Variants in EIF4G3 observed in about 807,000 individuals in gnomAD.
EIF4G3 encodes eukaryotic translation initiation factor 4 gamma 3, also known as eIF-4-gamma 3.
EIF4G3 carries 34 observed loss-of-function variants against 186.4 expected under a neutral mutation model. The ratio of observed to expected loss-of-function variants is 0.18; its 90% CI spans 0.14 to 0.24. EIF4G3 has a LOEUF of 0.24. EIF4G3 is among the 10% of genes least tolerant of loss of function. The pLI is 1.00. For synonymous variants in EIF4G3, 673 were observed against 679.5 expected, an observed-to-expected ratio of 0.99 and a Z score of 0.15; for missense variants, 1,536 against 1,948.5, an observed-to-expected ratio of 0.79 and a Z score of 3.99.
At chr1:21,081,446 A>G (rs2095784959) in intron 3 of EIF4G3, among the ~76,000 whole-genome samples, 2 of 151,990 alleles carry the variant, frequency 1.3e-5, no homozygotes, top group African/African-American at 2.4e-5. Context: ...ATATATATAT[A>G]TGTGCTTGAT....
intron 20 of EIF4G3, among the ~76,000 whole-genome samples, chr1:20,870,108 G>C (rs2078781217): frequency 6.6e-6 from 1 of 152,012 alleles, no homozygotes; most frequent in Non-Finnish European, 1.5e-5. Flanking sequence ...CTTCCATCAG[G>C]ACAGTTACAA....
At chr1:21,131,409 T>C (rs1450922576) in intron 2 of EIF4G3, among the ~76,000 whole-genome samples, 1 of 69,216 alleles carries the variant, frequency 1.4e-5, no homozygotes, top group Admixed American at 1.4e-4. Flanking sequence ...AAAAAGAGAC[T>C]AAAAAAAAGA....
chr1:21,134,154 C>CTAA (rs1425169422), intron 2 of EIF4G3, among the ~76,000 whole-genome samples: 4 of 152,082 alleles, frequency 2.6e-5, no homozygotes, highest in African/African-American at 4.8e-5. Context: ...GGTATTAATA[C>CTAA]TAAGATTAGC....
At chr1:20,950,779 T>C (rs1250618055) in intron 12 of EIF4G3, among the ~76,000 whole-genome samples, 2 of 152,190 alleles carry the variant, frequency 1.3e-5, no homozygotes, top group Non-Finnish European at 1.5e-5. Flanking sequence ...TCAGGCATTG[T>C]ATTAGAATGA....
rs375568237 is a variant in EIF4G3 at position 21,156,141 on chromosome 1, A to C, written c.-272+20034T>G. On this transcript the variant is annotated intron_variant, in intron 2 of 36. Transcript: ENST00000602326. ...AAACTCTGTCTCAAAAAAAAAAAAAACAACAAAAAAAAACTCAAGAGCTTT... is the reference window on the plus strand; with the variant it reads ...AAACTCTGTCTCAAAAAAAAAAAAACCAACAAAAAAAAACTCAAGAGCTTT... 1.4e-4 allele frequency among the ~76,000 whole-genome samples: 21 copies of C among 147,078 alleles called. No individual in the cohort carries two copies. The East Asian group carries it at 1.7e-3, about 12-fold the overall frequency.
chr1:21,024,901 T>TAA (rs71569804), intron 4 of EIF4G3, among the ~76,000 whole-genome samples: 44,790 of 142,742 alleles, frequency 0.31, 7,674 homozygotes, highest in Non-Finnish European at 0.4. Context: ...AAAATAAATT[T>TAA]AAAAAAAAAA....
rs139729820 is a variant in EIF4G3 at position 20,852,825 on chromosome 1, T to A, written c.3551+735A>T. Reference sequence around the variant, plus strand: ...TTGTGCTAACTATACTTTGTTTCAATAGAAGTCAAGGGAATAAGAACACAG... The same window carrying A: ...TTGTGCTAACTATACTTTGTTTCAAAAGAAGTCAAGGGAATAAGAACACAG... On this transcript the variant is annotated intron_variant, in intron 27 of 36. Transcript: ENST00000602326. 1.7e-3 allele frequency among the ~76,000 whole-genome samples: 261 copies of A among 152,194 alleles called. 2 individuals are homozygous for A. The highest frequency in any genetic ancestry group is 5.9e-3 in the African/African-American group (246 of 41,520).
At chr1:20,875,153 A>G (rs775402907) in intron 20 of EIF4G3, among the ~76,000 whole-genome samples, 1 of 151,882 alleles carries the variant, frequency 6.6e-6, no homozygotes, top group Non-Finnish European at 1.5e-5. Flanking sequence ...CTCATTTTTT[A>G]ATTTTTTATT....
intron 4 of EIF4G3, among the ~76,000 whole-genome samples, chr1:21,024,517 T>C (rs2091720833): frequency 6.6e-6 from 1 of 151,360 alleles, no homozygotes. Flanking sequence ...GAAGTAGACA[T>C]GGGAGACTTT....
At chr1:20,991,456 T>C (rs1357015724) in intron 7 of EIF4G3, among the ~76,000 whole-genome samples, 1 of 151,844 alleles carries the variant, frequency 6.6e-6, no homozygotes, top group Non-Finnish European at 1.5e-5. Context: ...TAGTTCCAGC[T>C]ACTCAGGAGG....
chr1:20,973,111 GA>G lies in EIF4G3; in HGVS notation c.494-13del. 6.2e-7 allele frequency: 1 copy of G among 1,601,984 alleles called. No individual in the cohort carries two copies. Among genetic ancestry groups the G allele is most frequent in the Non-Finnish European group, 8.5e-7 (1 of 1,173,462 alleles). On this transcript the variant is annotated splice_polypyrimidine_tract_variant and intron_variant, in intron 10 of 36. Transcript: ENST00000602326. The stretch of plus-strand genomic sequence containing the variant: ...GTAAAAAGGCGTTCCTAAAAAGTTG[GA>G]AAAAATTAAATAGGCATTCAGTTAT...
intron 12 of EIF4G3, among the ~76,000 whole-genome samples, chr1:20,956,652 C>T (rs1184593770): frequency 6.8e-6 from 1 of 147,212 alleles, no homozygotes; most frequent in Non-Finnish European, 1.5e-5. Flanking sequence ...GAGAGCACAT[C>T]AAACACCTGT....
chr1:20,989,219 G>GT (rs996515215), intron 7 of EIF4G3, among the ~76,000 whole-genome samples: 4 of 151,284 alleles, frequency 2.6e-5, no homozygotes, highest in African/African-American at 7.3e-5. Context: ...AATGGAAGGA[G>GT]TAAGTGCTGA....
At chr1:20,888,977 G>T (rs541857844) in intron 18 of EIF4G3, among the ~76,000 whole-genome samples, 20 of 152,234 alleles carry the variant, frequency 1.3e-4, no homozygotes, top group South Asian at 1.0e-3. Flanking sequence ...TTCTTTGAAA[G>T]ACAGTACTTT....
chr1:21,079,130 G>A (rs1041447408), intron 3 of EIF4G3, among the ~76,000 whole-genome samples: 1 of 152,148 alleles, frequency 6.6e-6, no homozygotes, highest in Non-Finnish European at 1.5e-5. Context: ...ATCTGTGCTA[G>A]ATGATAGGAC....
At chr1:21,166,734 AAAAT>A (rs942040200) in intron 2 of EIF4G3, among the ~76,000 whole-genome samples, 1 of 152,116 alleles carries the variant, frequency 6.6e-6, no homozygotes, top group African/African-American at 2.4e-5. Context: ...CTGTCTCAAA[AAAAT>A]AAATAAATAA....
chr1:20,946,048 T>C (rs1310866638), intron 13 of EIF4G3, among the ~76,000 whole-genome samples: 1 of 152,184 alleles, frequency 6.6e-6, no homozygotes, highest in Non-Finnish European at 1.5e-5. Context: ...AAGACTGGGT[T>C]GTCTTTTGGT....
At chr1:20,981,637 CAT>C (rs1162731696) in intron 8 of EIF4G3, among the ~76,000 whole-genome samples, 1 of 124,056 alleles carries the variant, frequency 8.1e-6, no homozygotes, top group East Asian at 2.4e-4. Context: ...TGTATACGCA[CAT>C]ACTGTATGTA....
In EIF4G3 at chr1:20,876,623, C is replaced by T. The variant is rs1050521815; in HGVS notation, c.2622+2700G>A. On this transcript the variant is annotated intron_variant, in intron 20 of 36. Coordinates refer to ENST00000602326, the MANE Select transcript of EIF4G3 (RefSeq NM_001391906.1). ...CTGATAGGGAAGGAAGATTAACTGG[C>T]TGGGGCTGCAAGCAGAGAGTAATAA... Among the ~76,000 whole-genome samples, 63 of 152,192 alleles carry T rather than the reference C, an allele frequency of 4.1e-4. 1 individual carries two copies. Among genetic ancestry groups the T allele is most frequent in the African/African-American group, 1.5e-3 (63 of 41,524 alleles).
Sources: gnomAD v4.1 joint callset for allele counts (sites outside exome capture counted in the v4.1 genomes callset) on GRCh38, gnomAD v4.1.1 for gene constraint, MANE v1.5 for transcripts, NCBI Gene and HGNC (gene_info 2026-07-23, HGNC 2026-07-21) for gene names.